Variants in DPYSL2 observed in about 807,000 individuals in gnomAD.
The protein encoded by DPYSL2 is dihydropyrimidinase like 2.
In DPYSL2, 13 loss-of-function variants were observed where a neutral mutation model predicts 69.9. The ratio of observed to expected loss-of-function variants is 0.19; its 90% CI spans 0.12 to 0.30. DPYSL2 has a LOEUF of 0.30. Among genes scored for constraint, DPYSL2 ranks in the 10% least tolerant of loss-of-function variants. The probability of loss-of-function intolerance (pLI) is 1.00; values close to 1 mark genes in which losing one functional copy is unlikely to be tolerated. For missense variants in DPYSL2, 587 were observed against 918.9 expected (o/e 0.64, Z 4.67); for synonymous variants, 326 against 359.1 (o/e 0.91, Z 1.04).
chr8:26,534,562 A>T (rs904986345), intron 1 of DPYSL2, among the ~76,000 whole-genome samples: 1 of 151,878 alleles, frequency 6.6e-6, no homozygotes, highest in African/African-American at 2.4e-5. Context: ...CAACTTACTT[A>T]TTTTTTCTAT....
chr8:26,630,828 C>T (rs896689848), intron 7 of DPYSL2, among the ~76,000 whole-genome samples: 6 of 152,192 alleles, frequency 3.9e-5, no homozygotes, highest in Non-Finnish European at 5.9e-5. Flanking sequence ...CAACCCCTCC[C>T]GCAGTGTACA....
Position 26,649,975 on chromosome 8 carries a change from G to C in DPYSL2, c.1596+2175G>C, listed in dbSNP as rs181616011. On this transcript the variant is annotated intron_variant, in intron 11 of 13. Coordinates refer to ENST00000521913, the MANE Select transcript of DPYSL2 (RefSeq NM_001197293.3). ...GATAGATGGCCCCAGAGGTCTTCTA[G>C]GTGCTCATTTATAAGCAACAAGACT... is the stretch of plus-strand genomic sequence containing the variant. Among the ~76,000 whole-genome samples, 409 of 152,202 alleles carry C rather than the reference G, an allele frequency of 2.7e-3. 3 individuals are homozygous for C. The highest frequency in any genetic ancestry group is 4.1e-3 in the Non-Finnish European group (281 of 68,012).
chr8:26,626,516 C>CGA lies in DPYSL2; in HGVS notation c.794-101_794-100insGA. 1 of 925,640 alleles carries CGA rather than the reference C, an allele frequency of 1.1e-6. No individual in the cohort carries two copies. The highest frequency in any genetic ancestry group is 1.7e-6 in the Non-Finnish European group (1 of 588,894). 57.3% of individuals were successfully genotyped at this position (925,640 alleles called of 1,614,324 possible). ...ACACACACACACACACACACACACA[C>CGA]ACACACGTACACACACAGACAGTAT... On this transcript the variant is annotated intron_variant, in intron 4 of 13. Coordinates refer to ENST00000521913, the MANE Select transcript of DPYSL2 (RefSeq NM_001197293.3). The surrounding 1 kb of genome is among the most constrained non-coding windows in gnomAD (Gnocchi z 4.3).
rs1356911979 is a variant in DPYSL2 at position 26,648,207 on chromosome 8, C to T, written c.1596+407C>T. ...TGAGATGCCCACTGGGGACTTTGAT[C>T]CTCTTAAGCCATTGTTTTCTCAGGC... is the stretch of plus-strand genomic sequence containing the variant. On this transcript the variant is annotated intron_variant, in intron 11 of 13. Transcript: ENST00000521913. The surrounding 1 kb of genome is among the most constrained non-coding windows in gnomAD (Gnocchi z 4.3). Among the ~76,000 whole-genome samples the T allele has an allele frequency of 6.6e-6, 1 of 152,130 alleles. No individual in the cohort carries two copies. The highest frequency in any genetic ancestry group is 6.5e-5 in the Admixed American group (1 of 15,272).
At position 26,624,398 on chromosome 8, in the gene DPYSL2, A is replaced by G; in HGVS notation, c.793+91A>G. 6.7e-7 allele frequency: 1 copy of G among 1,496,886 alleles called. No individual in the cohort carries two copies. Among genetic ancestry groups the G allele is most frequent in the Non-Finnish European group, 9.1e-7 (1 of 1,099,826 alleles). 92.7% of individuals were successfully genotyped at this position (1,496,886 alleles called of 1,614,324 possible). On this transcript the variant is annotated intron_variant, in intron 4 of 13. Coordinates refer to ENST00000521913, the MANE Select transcript of DPYSL2 (RefSeq NM_001197293.3). The surrounding 1 kb of genome is among the most constrained non-coding windows in gnomAD (Gnocchi z 4.7). ...CTGGGAAGAAAGTGATAATGCTTCC[A>G]GATCCCATTTGTGCCTCATGCCCAT...
chr8:26,577,184 C>G lies in DPYSL2; in HGVS notation c.355-4785C>G, dbSNP rs1487644310. The G allele has an allele frequency of 9.0e-6, 4 of 445,522 alleles. No individual in the cohort carries two copies. The East Asian group carries it at 3.3e-4, about 36-fold the overall frequency. The allele number at this position is 445,522 out of a possible 1,614,324, so 27.6% of individuals were successfully genotyped here. A position where few individuals can be genotyped will look rare whatever the true frequency, so the allele number is the denominator to read the frequency against. On this transcript the variant is annotated intron_variant, in intron 1 of 13. Transcript: ENST00000521913. ...CATTTCCTGCAGCCCGGCGCCTCCA[C>G]GCGGGCCAGATCCCGTCTCTGCAGC...
chr8:26,524,670 C>T (rs528346223), intron 1 of DPYSL2, among the ~76,000 whole-genome samples: 3 of 151,686 alleles, frequency 2.0e-5, no homozygotes, highest in Admixed American at 1.3e-4. Flanking sequence ...TGTATGGTGG[C>T]GTGTGCCTGT....
In DPYSL2 at chr8:26,517,854, C is replaced by G. The variant is rs4871984; in HGVS notation, c.354+3175C>G. ...AGTCTGTGAAGTGCTTTCTGGTGCT[C>G]CCTTCCATCTGGGTCCCCATCCCTT... On this transcript the variant is annotated intron_variant, in intron 1 of 13. Transcript: ENST00000521913. This position sits in a 1 kb window ranked among gnomAD's most constrained non-coding sequence, Gnocchi z 4.2. 0.6 allele frequency among the ~76,000 whole-genome samples: 91,245 copies of G among 152,048 alleles called. 29,657 individuals carry two copies. The highest frequency in any genetic ancestry group is 0.9 in the East Asian group (4,651 of 5,164).
intron 1 of DPYSL2, among the ~76,000 whole-genome samples, chr8:26,540,518 A>G (rs1205207840): frequency 1.3e-5 from 2 of 152,226 alleles, no homozygotes; most frequent in Non-Finnish European, 2.9e-5. Flanking sequence ...AATCTCAAAG[A>G]TCCCCAAATA....
At position 26,582,420 on chromosome 8, in the gene DPYSL2, C is replaced by T. The variant is rs528471020; in HGVS notation, c.443+363C>T. 8.5e-5 allele frequency among the ~76,000 whole-genome samples: 13 copies of T among 152,302 alleles called. No individual in the cohort carries two copies. Among genetic ancestry groups the T allele is most frequent in the African/African-American group, 2.2e-4 (9 of 41,558 alleles). ...GGTTGGATTGCCCAAAGGACGCAAA[C>T]GTGAAAGACAGTCTCCTCTATTGAG... is the stretch of plus-strand genomic sequence containing the variant. On this transcript the variant is annotated intron_variant, in intron 2 of 13. Coordinates refer to ENST00000521913, the MANE Select transcript of DPYSL2 (RefSeq NM_001197293.3). The surrounding 1 kb of genome is among the most constrained non-coding windows in gnomAD (Gnocchi z 4.1).
chr8:26,559,173 G>A (rs1801035749), intron 1 of DPYSL2, among the ~76,000 whole-genome samples: 1 of 152,104 alleles, frequency 6.6e-6, no homozygotes, highest in South Asian at 2.1e-4. Context: ...GAACTCCTGA[G>A]CTCAGGCAAC....
intron 1 of DPYSL2, among the ~76,000 whole-genome samples, chr8:26,572,025 C>A (rs530162674): frequency 6.6e-6 from 1 of 152,340 alleles, no homozygotes; most frequent in African/African-American, 2.4e-5. Context: ...TTCATTTCAA[C>A]CTTCTCTGCA....
rs970480245 is a variant in DPYSL2, at chr8:26,640,147, C to T, written c.1127-3292C>T. Among the ~76,000 whole-genome samples the T allele has an allele frequency of 3.9e-5, 6 of 152,212 alleles. No individual in the cohort carries two copies. The highest frequency in any genetic ancestry group is 1.9e-4 in the East Asian group (1 of 5,202). ...ACTTTGGATTTGTTCTCCTGCTTCT[C>T]GTCCATGGGAAATGACTGCCAGAGC... On this transcript the variant is annotated intron_variant, in intron 8 of 13. Transcript: ENST00000521913. The surrounding 1 kb of genome is among the most constrained non-coding windows in gnomAD (Gnocchi z 4.2).
intron 3 of DPYSL2, among the ~76,000 whole-genome samples, chr8:26,616,163 C>T (rs1036554517): frequency 1.6e-4 from 24 of 152,168 alleles, no homozygotes; most frequent in African/African-American, 5.8e-4. Context: ...CTGACCTGGA[C>T]CCCAGGTATC....
At chr8:26,583,562 A>G (rs1801534507) in intron 2 of DPYSL2, among the ~76,000 whole-genome samples, 2 of 152,208 alleles carry the variant, frequency 1.3e-5, no homozygotes, top group South Asian at 4.1e-4. Context: ...CTTGGGAACA[A>G]AACGTCTTTG....
Position 26,639,180 on chromosome 8 carries a change from G to T in DPYSL2, c.1127-4259G>T, listed in dbSNP as rs113433664. Among the ~76,000 whole-genome samples, 48 of 152,342 alleles carry T rather than the reference G, an allele frequency of 3.2e-4. No homozygotes were observed. The East Asian group carries it at 8.7e-3, about 28-fold the overall frequency. On this transcript the variant is annotated intron_variant, in intron 8 of 13. Coordinates refer to ENST00000521913, the MANE Select transcript of DPYSL2 (RefSeq NM_001197293.3). ...GTGAGGACCACCTCAGCTTGGGGAT[G>T]AGTCCTTAGTTAAGCTTATGCTTGA... is the stretch of plus-strand genomic sequence containing the variant.
chr8:26,582,139 A>G lies in DPYSL2; in HGVS notation c.443+82A>G. On this transcript the variant is annotated intron_variant, in intron 2 of 13. Coordinates refer to ENST00000521913, the MANE Select transcript of DPYSL2 (RefSeq NM_001197293.3). The surrounding 1 kb of genome is among the most constrained non-coding windows in gnomAD (Gnocchi z 4.1). Reference sequence around the variant, plus strand: ...ATTAGATACCATTCGCATCCAAAGTATCAAACTTCAGGAACATCAGAGAGT... The same window carrying G: ...ATTAGATACCATTCGCATCCAAAGTGTCAAACTTCAGGAACATCAGAGAGT... 8.7e-7 allele frequency: 1 copy of G among 1,145,218 alleles called. No individual in the cohort carries two copies. Among genetic ancestry groups the G allele is most frequent in the Admixed American group, 1.8e-5 (1 of 55,094 alleles). The allele number at this position is 1,145,218 out of a possible 1,614,324, so 70.9% of individuals were successfully genotyped here.
chr8:26,655,611 C>T lies in DPYSL2; in HGVS notation c.1943-4C>T. ...CCCGCTCCTCTCTTCTCCTCTCCCTCCAGGTGCTCAGATTGATGACAACAT... is the reference window on the plus strand; with the variant it reads ...CCCGCTCCTCTCTTCTCCTCTCCCTTCAGGTGCTCAGATTGATGACAACAT... On this transcript the variant is annotated splice_region_variant and splice_polypyrimidine_tract_variant and intron_variant, in intron 13 of 13. Coordinates refer to ENST00000521913, the MANE Select transcript of DPYSL2 (RefSeq NM_001197293.3). 6.2e-7 allele frequency: 1 copy of T among 1,605,724 alleles called. No homozygotes were observed. The highest frequency in any genetic ancestry group is 1.3e-5 in the African/African-American group (1 of 74,868).
chr8:26,576,968 G>C, intron 1 of DPYSL2: 1 of 295,484 alleles, frequency 3.4e-6, no homozygotes, highest in Non-Finnish European at 6.7e-6. Flanking sequence ...CTGTAAAGCG[G>C]GCGCACAGAG....
Sources: allele counts gnomAD v4.1 joint callset (sites outside exome capture counted in the v4.1 genomes callset), GRCh38; gene constraint gnomAD v4.1.1; non-coding constraint Gnocchi (gnomAD v3.1); transcripts MANE v1.5; gene names NCBI Gene and HGNC (gene_info 2026-07-23, HGNC 2026-07-21).